The following KDM4C variants were observed in gnomAD, a reference collection of about 807,000 sequenced individuals.
KDM4C encodes lysine-specific demethylase 4C.
KDM4C carries 81 observed loss-of-function variants against 129.3 expected under a neutral mutation model. That is an observed-to-expected ratio of 0.63 (90% CI 0.52 to 0.75). The LOEUF (loss-of-function observed/expected upper bound fraction) is 0.75, where lower values mean the gene tolerates loss of function less well. Ranked by LOEUF, KDM4C falls within the 30% of genes least tolerant of loss-of-function variation. The pLI is 0.00. For synonymous variants in KDM4C, 573 were observed against 456.1 expected, an observed-to-expected ratio of 1.26 and a Z score of -3.26; for missense variants, 1,457 against 1,304.0, an observed-to-expected ratio of 1.12 and a Z score of -1.81.
chr9:7,025,248 G>A (rs1015030620), intron 15 of KDM4C, among the ~76,000 whole-genome samples: 5 of 152,050 alleles, frequency 3.3e-5, no homozygotes, highest in African/African-American at 1.2e-4. Context: ...GCCTATGTGT[G>A]TCTTTATAAG....
chr9:6,740,075 A>T (rs916480653), intron 1 of KDM4C, among the ~76,000 whole-genome samples: 47 of 151,672 alleles, frequency 3.1e-4, no homozygotes, highest in African/African-American at 1.1e-3. Flanking sequence ...TTTTTAGTAG[A>T]GACGGGATTT....
At chr9:6,922,505 G>A (rs1436502546) in intron 8 of KDM4C, among the ~76,000 whole-genome samples, 1 of 152,206 alleles carries the variant, frequency 6.6e-6, no homozygotes, top group African/African-American at 2.4e-5. Flanking sequence ...CCAGCCCTTT[G>A]GGAGGCTGAG....
chr9:7,072,330 A>G (rs937244000), intron 17 of KDM4C, among the ~76,000 whole-genome samples: 6 of 152,324 alleles, frequency 3.9e-5, no homozygotes, highest in Non-Finnish European at 7.4e-5. Context: ...ATGAAAATTT[A>G]TGTTTACATA....
chr9:7,110,717 A>G (rs1400139764), intron 18 of KDM4C, among the ~76,000 whole-genome samples: 1 of 152,212 alleles, frequency 6.6e-6, no homozygotes, highest in Non-Finnish European at 1.5e-5. Flanking sequence ...ATTTGAAAAT[A>G]TTTTAAACCT....
At position 6,832,922 on chromosome 9, in the gene KDM4C, G is replaced by A. The variant is rs886702001; in HGVS notation, c.436-16585G>A. Among the ~76,000 whole-genome samples the A allele has an allele frequency of 2.7e-5, 4 of 150,064 alleles. No homozygotes were observed. In the South Asian group the frequency reaches 8.5e-4, roughly 32 times the overall value. On this transcript the variant is annotated intron_variant, in intron 4 of 21. Coordinates refer to ENST00000381309, the MANE Select transcript of KDM4C (RefSeq NM_015061.6). ...TTTGTATTTTTTTTTTTTTAGTAGAGATGGGGTTTCACCATGTTGGCCAGG... is the reference window on the plus strand; with the variant it reads ...TTTGTATTTTTTTTTTTTTAGTAGAAATGGGGTTTCACCATGTTGGCCAGG...
At chr9:6,895,286 A>G (rs1209446617) in intron 8 of KDM4C, among the ~76,000 whole-genome samples, 1 of 152,202 alleles carries the variant, frequency 6.6e-6, no homozygotes, top group African/African-American at 2.4e-5. Flanking sequence ...TGCATTTCTT[A>G]CTGAGACTCT....
At chr9:7,036,792 T>C (rs975422497) in intron 15 of KDM4C, among the ~76,000 whole-genome samples, 2 of 152,318 alleles carry the variant, frequency 1.3e-5, no homozygotes, top group Admixed American at 1.3e-4. Flanking sequence ...AAGTCAACTG[T>C]GAGGGCAGGA....
chr9:6,993,933 G>A (rs1002130179), intron 12 of KDM4C, among the ~76,000 whole-genome samples: 2 of 151,868 alleles, frequency 1.3e-5, no homozygotes, highest in Admixed American at 6.6e-5. Flanking sequence ...TTAACTTTGC[G>A]ACGTGAGTCT....
intron 19 of KDM4C, among the ~76,000 whole-genome samples, chr9:7,136,980 T>G (rs1382814032): frequency 6.6e-6 from 1 of 152,250 alleles, no homozygotes; most frequent in Non-Finnish European, 1.5e-5. Context: ...TTAGCTTTCT[T>G]GTGAGATTTA....
chr9:6,817,730 A>T (rs1287241377), intron 4 of KDM4C, among the ~76,000 whole-genome samples: 1 of 151,930 alleles, frequency 6.6e-6, no homozygotes, highest in Non-Finnish European at 1.5e-5. Context: ...AGAGAATAAA[A>T]AATTGCTCAT....
At chr9:6,868,000 ATTTTCAAAAC>A (rs1842311968) in intron 5 of KDM4C, among the ~76,000 whole-genome samples, 1 of 152,248 alleles carries the variant, frequency 6.6e-6, no homozygotes, top group Admixed American at 6.5e-5. Context: ...TAACACAGAG[ATTTTCAAAAC>A]TTTCTATACA....
intron 18 of KDM4C, among the ~76,000 whole-genome samples, chr9:7,115,942 C>G (rs1378597573): frequency 6.6e-6 from 1 of 152,216 alleles, no homozygotes; most frequent in African/African-American, 2.4e-5. Context: ...CATTGCCAGT[C>G]AGAAGTTGGC....
intron 19 of KDM4C, among the ~76,000 whole-genome samples, chr9:7,151,450 G>A (rs574973959): frequency 4.6e-5 from 7 of 152,198 alleles, no homozygotes; most frequent in African/African-American, 1.7e-4. Flanking sequence ...CCAGCACTTC[G>A]GGAGGCGGAA....
chr9:6,836,299 G>A (rs1358358694), intron 4 of KDM4C, among the ~76,000 whole-genome samples: 1 of 152,144 alleles, frequency 6.6e-6, no homozygotes, highest in African/African-American at 2.4e-5. Context: ...AAAAAAATGG[G>A]AGGCGGAGGT....
intron 18 of KDM4C, chr9:7,105,582 A>G (rs143563929): frequency 1.9e-5 from 8 of 417,776 alleles, no homozygotes; most frequent in African/African-American, 1.4e-4. Flanking sequence ...GATGCAGATA[A>G]TGAGTGGCAG....
At chr9:6,836,920 G>C (rs1413957574) in intron 4 of KDM4C, among the ~76,000 whole-genome samples, 3 of 151,784 alleles carry the variant, frequency 2.0e-5, no homozygotes, top group Non-Finnish European at 2.9e-5. Context: ...CATGGTACCT[G>C]ATGTACATGT....
rs769427785 is a variant in KDM4C at position 6,990,452 on chromosome 9, C to G, written c.1714C>G (p.Arg572Gly). ...EGENKTSKSW[R>G]HPLSRPPARS... is the part of the protein sequence containing the mutation. ...AGAGAACAAAACCTCTAAGAGTTGG[C>G]GCCATCCACTTAGCAGGCCTCCAGC... The change falls in exon 12 of 22, where the codon CGC (arginine) becomes GGC (glycine). Residue 572 changes from arginine to glycine, a missense_variant. Transcript: ENST00000381309. 6.2e-7 allele frequency: 1 copy of G among 1,612,460 alleles called. No individual in the cohort carries two copies. The highest frequency in any genetic ancestry group is 1.7e-5 in the Admixed American group (1 of 59,822).
chr9:6,938,161 CA>C (rs1825169877), intron 8 of KDM4C, among the ~76,000 whole-genome samples: 1 of 151,964 alleles, frequency 6.6e-6, no homozygotes, highest in South Asian at 2.1e-4. Context: ...CTCCTCCAGC[CA>C]ATGTTTGCAT....
chr9:7,028,285 G>C (rs895839166), intron 15 of KDM4C, among the ~76,000 whole-genome samples: 2 of 151,750 alleles, frequency 1.3e-5, no homozygotes, highest in African/African-American at 2.4e-5. Flanking sequence ...AGGGCTCAAG[G>C]GCTGTTTAGT....
Sources: gnomAD v4.1 joint callset for allele counts (sites outside exome capture counted in the v4.1 genomes callset) on GRCh38, gnomAD v4.1.1 for gene constraint, MANE v1.5 for transcripts, NCBI Gene and HGNC (gene_info 2026-07-23, HGNC 2026-07-21) for gene names.